PXDNL: variants seen among roughly 807,000 people sequenced by gnomAD.
PXDNL encodes peroxidasin like, also known as probable oxidoreductase PXDNL.
PXDNL carries 145 observed loss-of-function variants against 150.8 expected under a neutral mutation model. That is an observed-to-expected ratio of 0.96 (90% CI 0.84 to 1.10). The LOEUF is 1.10. Ranked by LOEUF, PXDNL falls within the 50% of genes least tolerant of loss-of-function variation. The probability of loss-of-function intolerance (pLI) is 0.00; values close to 1 mark genes in which losing one functional copy is unlikely to be tolerated. For missense variants in PXDNL, 2,087 were observed against 1,873.9 expected, an observed-to-expected ratio of 1.11 and a Z score of -2.10; for synonymous variants, 757 against 725.7, an observed-to-expected ratio of 1.04 and a Z score of -0.69.
chr8:51,460,872 C>T (rs1810062460), intron 8 of PXDNL, among the ~76,000 whole-genome samples: 2 of 152,180 alleles, frequency 1.3e-5, no homozygotes, highest in Admixed American at 1.3e-4. Context: ...CAAGGCTCTC[C>T]ATCTTGCTCT....
intron 4 of PXDNL, among the ~76,000 whole-genome samples, chr8:51,504,869 G>A (rs190146407): frequency 9.2e-5 from 14 of 152,324 alleles, no homozygotes; most frequent in African/African-American, 3.4e-4. Flanking sequence ...AAAGATGGGA[G>A]TATGAATCCT....
chr8:51,707,562 T>C (rs1040144328), intron 1 of PXDNL, among the ~76,000 whole-genome samples: 1 of 152,210 alleles, frequency 6.6e-6, no homozygotes, highest in Non-Finnish European at 1.5e-5. Flanking sequence ...TAAAACATTT[T>C]AAAGTATACA....
At position 51,559,339 on chromosome 8, in the gene PXDNL, C is replaced by T. The variant is rs562061391; in HGVS notation, c.309-2428G>A. ...TTTTTGTTTCTTCCAAACCCCCCCCCCCCCCGCCACCTTCTTTCCTGATTA... is the reference window on the plus strand; with the variant it reads ...TTTTTGTTTCTTCCAAACCCCCCCCTCCCCCGCCACCTTCTTTCCTGATTA... On this transcript the variant is annotated intron_variant, in intron 3 of 22. Coordinates refer to ENST00000356297, the MANE Select transcript of PXDNL (RefSeq NM_144651.5). Among the ~76,000 whole-genome samples, 16 of 143,836 alleles carry T rather than the reference C, an allele frequency of 1.1e-4. 2 individuals carry two copies. In the South Asian group the frequency reaches 1.7e-3, roughly 16 times the overall value. The allele number at this position is 143,836 out of a possible 152,430, so 94.4% of individuals were successfully genotyped here.
At chr8:51,597,235 G>T (rs984793934) in intron 2 of PXDNL, among the ~76,000 whole-genome samples, 6 of 152,114 alleles carry the variant, frequency 3.9e-5, no homozygotes, top group African/African-American at 1.4e-4. Context: ...CCTATTTCAA[G>T]TCTCTGTATT....
At chr8:51,792,126 C>T (rs890360207) in intron 1 of PXDNL, among the ~76,000 whole-genome samples, 1 of 152,058 alleles carries the variant, frequency 6.6e-6, no homozygotes, top group African/African-American at 2.4e-5. Context: ...TACTTGAAAT[C>T]TTCCTTGAGG....
Position 51,453,762 on chromosome 8 carries a change from G to T in PXDNL, c.1006C>A (p.Pro336Thr), listed in dbSNP as rs555726765. 6.2e-7 allele frequency: 1 copy of T among 1,613,962 alleles called. No individual in the cohort carries two copies. The highest frequency in any genetic ancestry group is 1.1e-5 in the South Asian group (1 of 91,068). The change falls in exon 10 of 23, where the codon CCT becomes ACT. Residue 336 changes from proline (P) to threonine (T), a missense_variant. Pro to Thr is a conservative substitution (Grantham distance 38, BLOSUM62 -1). Transcript: ENST00000356297. ...CCAATTAAAACCTCTGTGTCCTGAG[G>T]CTGGATTACAAAGCTTGGTTTGGCT... ...LPAKPSFVIQPQDTEVLIGTS... is the reference protein window; with the variant it reads ...LPAKPSFVIQTQDTEVLIGTS...
At chr8:51,426,903 A>G (rs2129765049) in intron 12 of PXDNL, 145 bp from the exon 13 acceptor site, 1 of 576,564 alleles carries the variant, frequency 1.7e-6, no homozygotes, top group African/African-American at 1.9e-5. Context: ...CGTCTAGGGG[A>G]ATAACAAGCA....
intron 1 of PXDNL, among the ~76,000 whole-genome samples, chr8:51,684,193 A>G (rs1815822240): frequency 6.6e-6 from 1 of 152,210 alleles, no homozygotes; most frequent in Admixed American, 6.5e-5. Context: ...AGGAGCAGTC[A>G]TTGTGTCCAG....
chr8:51,685,331 T>G (rs750559058), intron 1 of PXDNL, among the ~76,000 whole-genome samples: 1 of 152,180 alleles, frequency 6.6e-6, no homozygotes, highest in Non-Finnish European at 1.5e-5. Flanking sequence ...CTGCCCCACA[T>G]AATACAGGTT....
chr8:51,646,605 G>C (rs932183256), intron 2 of PXDNL, among the ~76,000 whole-genome samples: 1 of 152,132 alleles, frequency 6.6e-6, no homozygotes, highest in Non-Finnish European at 1.5e-5. Flanking sequence ...ACTGACCTGG[G>C]TAGGTTTAAG....
intron 1 of PXDNL, among the ~76,000 whole-genome samples, chr8:51,672,154 G>T (rs1452815575): frequency 6.6e-6 from 1 of 151,990 alleles, no homozygotes; most frequent in Non-Finnish European, 1.5e-5. Context: ...GCTAATTTTT[G>T]TATTTTTAAT....
chr8:51,754,341 C>A (rs2037076914), intron 1 of PXDNL, among the ~76,000 whole-genome samples: 1 of 152,124 alleles, frequency 6.6e-6, no homozygotes, highest in Non-Finnish European at 1.5e-5. Flanking sequence ...GCTGTTGATC[C>A]CATTGCGGGT....
chr8:51,493,377 T>A (rs776315370), intron 5 of PXDNL, among the ~76,000 whole-genome samples: 9 of 151,940 alleles, frequency 5.9e-5, no homozygotes, highest in Non-Finnish European at 1.2e-4. Context: ...TCAGAGCGCC[T>A]CTCCTCCTCC....
intron 21 of PXDNL, among the ~76,000 whole-genome samples, chr8:51,329,947 A>C (rs186637009): frequency 2.0e-5 from 3 of 152,344 alleles, no homozygotes; most frequent in Admixed American, 2.0e-4. Context: ...CTGGAGAGCC[A>C]GAGGACAAAT....
intron 1 of PXDNL, among the ~76,000 whole-genome samples, chr8:51,667,125 G>A (rs2130822572): frequency 6.6e-6 from 1 of 152,202 alleles, no homozygotes; most frequent in Admixed American, 6.5e-5. Context: ...ATACCCATCT[G>A]TCTTCAAAAA....
At chr8:51,437,299 C>T (rs191823122) in intron 12 of PXDNL, among the ~76,000 whole-genome samples, 4 of 152,120 alleles carry the variant, frequency 2.6e-5, no homozygotes, top group African/African-American at 7.2e-5. Flanking sequence ...CACTATTCCA[C>T]AAGACAGAGA....
At chr8:51,790,203 TAG>T (rs1300410073) in intron 1 of PXDNL, among the ~76,000 whole-genome samples, 3 of 79,408 alleles carry the variant, frequency 3.8e-5, no homozygotes, top group African/African-American at 7.7e-5. Flanking sequence ...TTTTCATTAA[TAG>T]ATTTTTTTTT....
At chr8:51,535,122 C>G (rs1334494389) in intron 4 of PXDNL, among the ~76,000 whole-genome samples, 1 of 126,804 alleles carries the variant, frequency 7.9e-6, no homozygotes, top group Non-Finnish European at 1.6e-5. Context: ...CCCGGCCAGC[C>G]GCCCCATCCG....
At chr8:51,458,735 A>T (rs1809997546) in intron 8 of PXDNL, among the ~76,000 whole-genome samples, 1 of 152,262 alleles carries the variant, frequency 6.6e-6, no homozygotes, top group Non-Finnish European at 1.5e-5. Flanking sequence ...ATAACAGCCT[A>T]TTCCCACATA....
Sources: gnomAD v4.1 joint callset for allele counts (sites outside exome capture counted in the v4.1 genomes callset) on GRCh38, gnomAD v4.1.1 for gene constraint, MANE v1.5 for transcripts, NCBI Gene and HGNC (gene_info 2026-07-23, HGNC 2026-07-21) for gene names.